SNAPC3: variants seen among roughly 807,000 people sequenced by gnomAD.
SNAPC3 encodes the protein snRNA-activating protein complex subunit 3.
A neutral mutation model predicts 47.7 loss-of-function variants in SNAPC3; 56 were observed. The ratio of observed to expected loss-of-function variants is 1.18; its 90% CI spans 0.95 to 1.47. SNAPC3 has a LOEUF of 1.47. Ranked by LOEUF, SNAPC3 falls within the 40% of genes most tolerant of loss-of-function variation. The pLI, the probability that SNAPC3 is intolerant of heterozygous loss-of-function variation, is 0.00. For synonymous variants in SNAPC3, 235 were observed against 189.9 expected, an observed-to-expected ratio of 1.24 and a Z score of -1.95; for missense variants, 665 against 511.3, an observed-to-expected ratio of 1.30 and a Z score of -2.90.
chr9:15,439,622 C>A (rs1467327378), intron 3 of SNAPC3, among the ~76,000 whole-genome samples: 1 of 152,134 alleles, frequency 6.6e-6, no homozygotes, highest in Non-Finnish European at 1.5e-5. Flanking sequence ...GTAATTTCTG[C>A]CTCCTGGGTT....
At chr9:15,443,673 C>T (rs1015701218) in intron 3 of SNAPC3, among the ~76,000 whole-genome samples, 20 of 152,148 alleles carry the variant, frequency 1.3e-4, no homozygotes, top group African/African-American at 3.1e-4. Flanking sequence ...AACCAATGCA[C>T]GTACCTGGAC....
chr9:15,449,537 A>AT (rs1201432148), intron 5 of SNAPC3, among the ~76,000 whole-genome samples: 5 of 36,162 alleles, frequency 1.4e-4, no homozygotes, highest in Admixed American at 4.3e-4. Context: ...TATTATTATT[A>AT]TATATATATA....
chr9:15,465,497 C>G (rs1171101574), downstream of SNAPC3: 23 of 1,505,502 alleles, frequency 1.5e-5, no homozygotes, highest in Non-Finnish European at 2.1e-5. Context: ...CTCAAGTGTT[C>G]TCTATATTCC....
At chr9:15,446,239 C>T (rs971036918) in intron 4 of SNAPC3, among the ~76,000 whole-genome samples, 7 of 152,268 alleles carry the variant, frequency 4.6e-5, no homozygotes, top group South Asian at 4.2e-4. Flanking sequence ...GTTTTTGAGA[C>T]AGGGCCTTGC....
downstream of SNAPC3, chr9:15,465,011 T>C: frequency 4.5e-6 from 1 of 220,168 alleles, no homozygotes; most frequent in Non-Finnish European, 9.1e-6. Flanking sequence ...TAAAATTAAC[T>C]TTTGATAAAA....
intron 2 of SNAPC3, among the ~76,000 whole-genome samples, chr9:15,425,511 C>G (rs777439622): frequency 7.9e-5 from 12 of 152,218 alleles, no homozygotes; most frequent in Admixed American, 1.3e-4. Context: ...AGCCGCCACA[C>G]CTTGCCCATA....
Position 15,447,242 on chromosome 9 carries a change from A to ACCTT in SNAPC3, c.730_731insCCTT (p.Lys244ThrfsTer13). 6.2e-7 allele frequency: 1 copy of ACCTT among 1,613,954 alleles called. No homozygotes were observed. Among genetic ancestry groups the ACCTT allele is most frequent in the Non-Finnish European group, 8.5e-7 (1 of 1,179,860 alleles). The stretch of plus-strand genomic sequence containing the variant: ...TGACCAAGCCCCTGAGCACATCAGC[A>ACCTT]AAGTAAGGTGATTTCCTCCCATAAA... On this transcript the variant is annotated frameshift_variant and splice_region_variant, in exon 5 of 9. Coordinates refer to ENST00000380821, the MANE Select transcript of SNAPC3 (RefSeq NM_001039697.2). LOFTEE classifies it high-confidence loss of function.
intron 7 of SNAPC3, among the ~76,000 whole-genome samples, chr9:15,455,702 T>C (rs1023248763): frequency 1.3e-5 from 2 of 151,886 alleles, no homozygotes; most frequent in African/African-American, 4.8e-5. Flanking sequence ...CATATATTTT[T>C]CTTTTTTTTT....
chr9:15,441,583 G>A (rs902269413), intron 3 of SNAPC3, among the ~76,000 whole-genome samples: 3 of 151,562 alleles, frequency 2.0e-5, no homozygotes, highest in Non-Finnish European at 2.9e-5. Flanking sequence ...TGAGATTAGG[G>A]AGTGGTGATG....
intron 3 of SNAPC3, among the ~76,000 whole-genome samples, chr9:15,442,192 C>T (rs1202647556): frequency 6.9e-5 from 10 of 145,730 alleles, no homozygotes; most frequent in Admixed American, 1.3e-4. Flanking sequence ...GGCGGCTGGC[C>T]GGGCGGGGGC....
chr9:15,434,970 G>A (rs2032611706), intron 3 of SNAPC3, among the ~76,000 whole-genome samples: 2 of 152,114 alleles, frequency 1.3e-5, no homozygotes, highest in Non-Finnish European at 2.9e-5. Context: ...TTGATGGATT[G>A]TATGGTTAAT....
chr9:15,438,319 G>A (rs2033014787), intron 3 of SNAPC3, among the ~76,000 whole-genome samples: 2 of 152,066 alleles, frequency 1.3e-5, no homozygotes, highest in African/African-American at 2.4e-5. Context: ...AAAATCAGTA[G>A]TAACGTCTCC....
At chr9:15,432,508 C>T (rs372163673) in intron 2 of SNAPC3, among the ~76,000 whole-genome samples, 5 of 151,152 alleles carry the variant, frequency 3.3e-5, no homozygotes, top group East Asian at 1.9e-4. Context: ...CTTGTGGTGC[C>T]GGAAAGTAAG....
intron 5 of SNAPC3, among the ~76,000 whole-genome samples, chr9:15,449,007 A>G (rs1260908563): frequency 2.6e-5 from 4 of 151,980 alleles, no homozygotes; most frequent in Non-Finnish European, 2.9e-5. Context: ...ACGGGGTTTC[A>G]CCATGTTGGC....
At chr9:15,437,508 C>A (rs1004660192) in intron 3 of SNAPC3, among the ~76,000 whole-genome samples, 2 of 152,172 alleles carry the variant, frequency 1.3e-5, no homozygotes, top group African/African-American at 4.8e-5. Flanking sequence ...GCTGGGATTA[C>A]AGGCGTGAGC....
At chr9:15,466,654 C>G (rs1156879082), downstream of SNAPC3, 1 of 928,016 alleles carries the variant, frequency 1.1e-6, no homozygotes, top group Non-Finnish European at 1.6e-6. Context: ...CAAAAGATAA[C>G]TGCTTATTAT....
chr9:15,441,533 G>A (rs1486604044), intron 3 of SNAPC3, among the ~76,000 whole-genome samples: 1 of 151,688 alleles, frequency 6.6e-6, no homozygotes, highest in Non-Finnish European at 1.5e-5. Context: ...CTAGGCAGAG[G>A]ACCCTGCGGC....
At chr9:15,431,351 A>G (rs528179188) in intron 2 of SNAPC3, among the ~76,000 whole-genome samples, 10 of 152,290 alleles carry the variant, frequency 6.6e-5, no homozygotes, top group African/African-American at 2.2e-4. Flanking sequence ...CCCTAGGGGT[A>G]GGGTGCTCCT....
At chr9:15,443,254 C>G (rs1273773579) in intron 3 of SNAPC3, among the ~76,000 whole-genome samples, 1 of 152,128 alleles carries the variant, frequency 6.6e-6, no homozygotes, top group African/African-American at 2.4e-5. Context: ...TATTTATGTG[C>G]GAATGTAACT....
Sources: gnomAD v4.1 joint callset for allele counts (sites outside exome capture counted in the v4.1 genomes callset) on GRCh38, gnomAD v4.1.1 for gene constraint, MANE v1.5 for transcripts, NCBI Gene and HGNC (gene_info 2026-07-23, HGNC 2026-07-21) for gene names.